AHRR: variants seen among roughly 807,000 people sequenced by gnomAD.
AHRR encodes the protein aryl hydrocarbon receptor repressor, also known as ahR repressor.
AHRR carries 28 observed loss-of-function variants against 44.0 expected under a neutral mutation model. The ratio of observed to expected loss-of-function variants is 0.64; its 90% CI spans 0.47 to 0.87. The LOEUF (loss-of-function observed/expected upper bound fraction) is 0.87. Ranked by LOEUF, AHRR falls within the 40% of genes least tolerant of loss-of-function variation. AHRR has a pLI of 0.00. For missense variants in AHRR, 990 were observed against 953.9 expected (o/e 1.04, Z -0.50); for synonymous variants, 434 against 407.0 (o/e 1.07, Z -0.80).
At chr5:324,461 T>TA (rs1187254803) in intron 1 of AHRR, among the ~76,000 whole-genome samples, 2 of 138,566 alleles carry the variant, frequency 1.4e-5, no homozygotes, top group African/African-American at 6.4e-5. Flanking sequence ...TATAAAAAAA[T>TA]TAAAAAAAAA....
intron 4 of AHRR, among the ~76,000 whole-genome samples, chr5:400,651 T>A (rs1341647257): frequency 6.6e-6 from 1 of 152,028 alleles, no homozygotes; most frequent in Non-Finnish European, 1.5e-5. Context: ...TGGGCCCACA[T>A]GTGTAAAAGT....
intron 3 of AHRR, among the ~76,000 whole-genome samples, chr5:363,027 T>C (rs1743233601): frequency 6.6e-6 from 1 of 152,252 alleles, no homozygotes; most frequent in Admixed American, 6.5e-5. Context: ...CCACACAGGC[T>C]GGGCTTGTTG....
chr5:343,915 G>A lies in AHRR; in HGVS notation c.13G>A (p.Gly5Arg). 2 of 1,601,654 alleles carry A rather than the reference G, an allele frequency of 1.2e-6. No individual in the cohort carries two copies. Among genetic ancestry groups the A allele is most frequent in the East Asian group, 2.3e-5 (1 of 43,176 alleles). MIPP[G>R]ECTYAGRKRR... ...CAGGCCGAGGACGATGATCCCGCCG[G>A]GGGAGTGCACGTACGCGGGCCGGAA... Residue 5 changes from glycine to arginine, a missense_variant, in exon 2 of 11, where the codon GGG becomes AGG. Transcript: ENST00000684583.
At chr5:373,993 G>A (rs977585908) in intron 3 of AHRR, among the ~76,000 whole-genome samples, 24 of 152,002 alleles carry the variant, frequency 1.6e-4, no homozygotes, top group African/African-American at 4.6e-4. Context: ...CCCTGCCGCC[G>A]CACCTACGCG....
chr5:364,913 A>G (rs771786251), intron 3 of AHRR, among the ~76,000 whole-genome samples: 1 of 152,150 alleles, frequency 6.6e-6, no homozygotes, highest in African/African-American at 2.4e-5. Context: ...ATCACTATGT[A>G]ATGATTAAAC....
rs1300957310 is a variant in AHRR, at chr5:370,308, G to C, written c.245-6302G>C. On this transcript the variant is annotated intron_variant, in intron 3 of 10. Transcript: ENST00000684583. The surrounding 1 kb of genome is among the most constrained non-coding windows in gnomAD (Gnocchi z 4.5). The stretch of plus-strand genomic sequence containing the variant: ...CTGCTCATTTACTCCCCGTGTTACG[G>C]TTGTGCAGCATTTCCTGGATCCACA... Among the ~76,000 whole-genome samples, 3 of 152,240 alleles carry C rather than the reference G, an allele frequency of 2.0e-5. No homozygotes were observed. The highest frequency in any genetic ancestry group is 7.2e-5 in the African/African-American group (3 of 41,472).
At chr5:420,883 G>A (rs1736067220) in intron 5 of AHRR, 4 of 343,034 alleles carry the variant, frequency 1.2e-5, no homozygotes, top group South Asian at 4.7e-5. Context: ...CACGCAGCAC[G>A]CACAGACCCA....
In AHRR at chr5:404,520, TA is replaced by T; in HGVS notation, c.352-8822del. 2.7e-6 allele frequency: 1 copy of T among 372,908 alleles called. No homozygotes were observed. The highest frequency in any genetic ancestry group is 5.5e-6 in the Non-Finnish European group (1 of 182,830). The allele number at this position is 372,908 out of a possible 1,614,324, so 23.1% of individuals were successfully genotyped here. On this transcript the variant is annotated intron_variant, in intron 4 of 10. Coordinates refer to ENST00000684583, the MANE Select transcript of AHRR (RefSeq NM_001377236.1). This position sits in a 1 kb window ranked among gnomAD's most constrained non-coding sequence, Gnocchi z 4.1. Reference sequence around the variant, plus strand: ...TTTCAGACTTTACGGTTTGTAGTGATAACCTCTTCAGAAAAAGAGCAGGCGT... The same window carrying T: ...TTTCAGACTTTACGGTTTGTAGTGATACCTCTTCAGAAAAAGAGCAGGCGT...
intron 8 of AHRR, chr5:432,168 AT>A: frequency 5.4e-6 from 2 of 370,216 alleles, no homozygotes; most frequent in South Asian, 5.5e-5. Flanking sequence ...CAGGAAAAAA[AT>A]ATAAGCTCTA....
chr5:376,897 T>G (rs1579640662), intron 4 of AHRR, among the ~76,000 whole-genome samples, 181 bp downstream of exon 4: 1 of 152,022 alleles, frequency 6.6e-6, no homozygotes, highest in Non-Finnish European at 1.5e-5. Context: ...AGGGTGTCCC[T>G]GGGTCGGGGT....
chr5:430,078 C>T lies in AHRR; in HGVS notation c.908+2072C>T, dbSNP rs901793097. On this transcript the variant is annotated intron_variant, in intron 8 of 10. Transcript: ENST00000684583. The stretch of plus-strand genomic sequence containing the variant: ...CGCCCTGTTCTGGGCGCTGCCTTTA[C>T]TGCTGTACCTGCTGTGGCAGGCGCG... Among the ~76,000 whole-genome samples, 18 of 152,276 alleles carry T rather than the reference C, an allele frequency of 1.2e-4. 1 individual carries two copies. Among genetic ancestry groups the T allele is most frequent in the Admixed American group, 2.0e-4 (3 of 15,290 alleles).
intron 4 of AHRR, among the ~76,000 whole-genome samples, chr5:393,398 A>G (rs538693788): frequency 6.6e-6 from 1 of 152,298 alleles, no homozygotes; most frequent in African/African-American, 2.4e-5. Context: ...GTGTTCCTCT[A>G]GCAGTCTGCT....
intron 3 of AHRR, among the ~76,000 whole-genome samples, chr5:355,669 C>T (rs1345065181): frequency 1.3e-5 from 2 of 152,230 alleles, no homozygotes; most frequent in Non-Finnish European, 2.9e-5. Flanking sequence ...TCTTCTTAAA[C>T]TGCCAGCGAG....
chr5:332,487 C>G (rs757602932), intron 1 of AHRR, among the ~76,000 whole-genome samples: 2 of 151,876 alleles, frequency 1.3e-5, no homozygotes, highest in Admixed American at 1.3e-4. Flanking sequence ...AGGCTGGTCT[C>G]GAACTCCTGA....
Position 337,985 on chromosome 5 carries a change from T to C in AHRR, c.-10-5908T>C, listed in dbSNP as rs1165448887. ...GAAGAAATGCTGAAAGACTGCGGCT[T>C]ATTAATGCAGATCAGGCAGGATGGA... On this transcript the variant is annotated intron_variant, in intron 1 of 10. Transcript: ENST00000684583. This position sits in a 1 kb window ranked among gnomAD's most constrained non-coding sequence, Gnocchi z 4.1. Among the ~76,000 whole-genome samples, 2 of 152,196 alleles carry C rather than the reference T, an allele frequency of 1.3e-5. No homozygotes were observed. Among genetic ancestry groups the C allele is most frequent in the African/African-American group, 4.8e-5 (2 of 41,458 alleles).
At chr5:336,653 C>G (rs533382511) in intron 1 of AHRR, among the ~76,000 whole-genome samples, 1 of 142,736 alleles carries the variant, frequency 7.0e-6, no homozygotes, top group East Asian at 1.9e-4. Context: ...TGATGAAGTC[C>G]AATTTATCAA....
intron 1 of AHRR, among the ~76,000 whole-genome samples, chr5:331,474 G>C (rs1741909699): frequency 6.6e-6 from 1 of 152,040 alleles, no homozygotes. Flanking sequence ...GCACTGCTCT[G>C]GTCTTTGTTA....
chr5:409,799 T>G (rs1475985571), intron 4 of AHRR, among the ~76,000 whole-genome samples: 1 of 152,192 alleles, frequency 6.6e-6, no homozygotes, highest in Non-Finnish European at 1.5e-5. Context: ...ATTTATCAAG[T>G]TTTTTCTTTA....
intron 1 of AHRR, among the ~76,000 whole-genome samples, chr5:336,660 T>TC (rs112979162): frequency 0.16 from 24,778 of 152,070 alleles, 4,356 homozygotes; most frequent in African/African-American, 0.45. Context: ...GTCCAATTTA[T>TC]CAATTTTTTT....
Sources: gnomAD v4.1 joint callset for allele counts (sites outside exome capture counted in the v4.1 genomes callset) on GRCh38, gnomAD v4.1.1 for gene constraint, Gnocchi (gnomAD v3.1) non-coding constraint, MANE v1.5 for transcripts, NCBI Gene and HGNC (gene_info 2026-07-23, HGNC 2026-07-21) for gene names.